The following SDK1 variants were observed in gnomAD, a reference collection of about 807,000 sequenced individuals.
The protein encoded by SDK1 is protein sidekick-1.
In SDK1, 157 loss-of-function variants were observed where a neutral mutation model predicts 245.5. That is an observed-to-expected ratio of 0.64 (90% confidence interval 0.56 to 0.73). The LOEUF is 0.73. SDK1 is among the 30% of genes least tolerant of loss of function. The pLI is 0.00. For missense variants in SDK1, 3,583 were observed against 3,002.3 expected (o/e 1.19, Z -4.52); for synonymous variants, 1,647 against 1,278.5 (o/e 1.29, Z -6.15).
At chr7:3,505,142 C>A (rs896374168) in intron 1 of SDK1, among the ~76,000 whole-genome samples, 1 of 152,098 alleles carries the variant, frequency 6.6e-6, no homozygotes, top group Non-Finnish European at 1.5e-5. Flanking sequence ...TTACTTTTTT[C>A]ATAATCTCTT....
chr7:3,420,000 G>A (rs1311787577), intron 1 of SDK1, among the ~76,000 whole-genome samples: 1 of 152,190 alleles, frequency 6.6e-6, no homozygotes, highest in Non-Finnish European at 1.5e-5. Context: ...CTCTGTGACT[G>A]TGAAACATGC....
chr7:3,879,335 T>C (rs1315425008), intron 5 of SDK1, among the ~76,000 whole-genome samples: 1 of 152,200 alleles, frequency 6.6e-6, no homozygotes, highest in Non-Finnish European at 1.5e-5. Context: ...GGTATTACCC[T>C]TGCAGTTACT....
intron 5 of SDK1, among the ~76,000 whole-genome samples, chr7:3,896,471 C>A (rs571089665): frequency 6.6e-6 from 1 of 152,218 alleles, no homozygotes. Flanking sequence ...CCCTGAAGCT[C>A]TGTCTGCCAC....
At chr7:4,215,923 C>T (rs188977323) in intron 38 of SDK1, among the ~76,000 whole-genome samples, 1 of 152,290 alleles carries the variant, frequency 6.6e-6, no homozygotes, top group Admixed American at 6.5e-5. Context: ...ACTGAGGACT[C>T]TGCAGAGACC....
intron 30 of SDK1, among the ~76,000 whole-genome samples, chr7:4,154,424 T>C (rs932720324): frequency 2.6e-5 from 4 of 152,138 alleles, no homozygotes; most frequent in African/African-American, 9.7e-5. Context: ...TATCCCTAAA[T>C]CTATCCAGCT....
At chr7:4,045,220 G>A (rs1004643845) in intron 17 of SDK1, among the ~76,000 whole-genome samples, 1 of 152,116 alleles carries the variant, frequency 6.6e-6, no homozygotes, top group Non-Finnish European at 1.5e-5. Flanking sequence ...TATTAAAGCT[G>A]CTATGAATAT....
rs60802259 is a variant in SDK1, at chr7:3,803,745, C to CTT, written c.714-17685_714-17684dup. The stretch of plus-strand genomic sequence containing the variant: ...TCCAGTTTGCAACTGGTATTTTCCT[C>CTT]TTTTTTTTTTTTTTTTTTTTTGAGA... On this transcript the variant is annotated intron_variant, in intron 4 of 44. Transcript: ENST00000404826. Among the ~76,000 whole-genome samples the CTT allele has an allele frequency of 3.8e-3, 461 of 119,934 alleles. 5 individuals carry two copies. The highest frequency in any genetic ancestry group is 6.2e-3 in the African/African-American group (198 of 32,034). The allele number at this position is 119,934 out of a possible 152,430, so 78.7% of individuals were successfully genotyped here.
chr7:3,846,198 G>A (rs1283392485), intron 5 of SDK1, among the ~76,000 whole-genome samples: 1 of 151,944 alleles, frequency 6.6e-6, no homozygotes, highest in Admixed American at 6.5e-5. Context: ...CCCAACACAT[G>A]CATGTACACA....
intron 4 of SDK1, among the ~76,000 whole-genome samples, chr7:3,724,844 C>G (rs1050888079): frequency 6.6e-6 from 1 of 152,090 alleles, no homozygotes; most frequent in Non-Finnish European, 1.5e-5. Flanking sequence ...ATGTCATTTC[C>G]ACCACCCTTC....
chr7:3,994,681 T>C (rs1365424182), intron 14 of SDK1, among the ~76,000 whole-genome samples: 3 of 151,960 alleles, frequency 2.0e-5, no homozygotes, highest in Admixed American at 2.0e-4. Flanking sequence ...ATGTAATTCT[T>C]GACTCCTTCA....
chr7:3,716,424 A>G (rs1266085089), intron 4 of SDK1, among the ~76,000 whole-genome samples: 2 of 152,372 alleles, frequency 1.3e-5, no homozygotes, highest in East Asian at 1.9e-4. Flanking sequence ...TCTGTCAACC[A>G]TGAATTCTGT....
rs918732249 is a variant in SDK1, at chr7:3,488,270, T to C, written c.299-130810T>C. Among the ~76,000 whole-genome samples the C allele has an allele frequency of 1.3e-5, 2 of 152,152 alleles. 1 individual carries two copies. The highest frequency in any genetic ancestry group is 4.8e-5 in the African/African-American group (2 of 41,460). ...AATTATAAATCTGGGTTTATTTGCT[T>C]TTTTCTTTTCTTTTCTGTGCTTTCT... On this transcript the variant is annotated intron_variant, in intron 1 of 44. Transcript: ENST00000404826.
intron 35 of SDK1, among the ~76,000 whole-genome samples, chr7:4,181,983 G>A (rs1782627898): frequency 6.6e-6 from 1 of 152,142 alleles, no homozygotes; most frequent in Non-Finnish European, 1.5e-5. Flanking sequence ...GCAATGGCAT[G>A]ATCTCAGCTC....
At chr7:4,008,579 C>A (rs761342308) in intron 14 of SDK1, among the ~76,000 whole-genome samples, 1 of 152,044 alleles carries the variant, frequency 6.6e-6, no homozygotes, top group Admixed American at 6.6e-5. Context: ...TAAAAGAAAG[C>A]GAAGAGGAAA....
At chr7:3,834,732 C>T (rs927394733) in intron 5 of SDK1, among the ~76,000 whole-genome samples, 8 of 152,144 alleles carry the variant, frequency 5.3e-5, no homozygotes, top group Non-Finnish European at 1.0e-4. Context: ...ACGTAAGTTC[C>T]GCGAGGATAG....
At chr7:4,245,957 AAAG>A (rs1786827202) in intron 44 of SDK1, 152 bp downstream of exon 44, 6 of 966,448 alleles carry the variant, frequency 6.2e-6, no homozygotes, top group Non-Finnish European at 4.6e-6. Flanking sequence ...GCAGATGAGA[AAAG>A]AGCCGAAATT....
chr7:3,796,255 T>C (rs905563340), intron 4 of SDK1, among the ~76,000 whole-genome samples: 7 of 152,244 alleles, frequency 4.6e-5, no homozygotes, highest in Non-Finnish European at 8.8e-5. Flanking sequence ...GTGAAAGCTA[T>C]GCTAAAGCAT....
Position 3,755,440 on chromosome 7 carries a change from C to T in SDK1, c.714-66010C>T, listed in dbSNP as rs146117078. The stretch of plus-strand genomic sequence containing the variant: ...CTGGCCATTGTCTGTCTGCATAGTC[C>T]GCCTCACTGGATACTGAGAAATTTG... On this transcript the variant is annotated intron_variant, in intron 4 of 44. Transcript: ENST00000404826. Among the ~76,000 whole-genome samples, 616 of 152,202 alleles carry T rather than the reference C, an allele frequency of 4.0e-3. 5 individuals are homozygous for T. The highest frequency in any genetic ancestry group is 0.014 in the African/African-American group (596 of 41,510).
At chr7:3,985,623 T>C (rs1349517660) in intron 13 of SDK1, among the ~76,000 whole-genome samples, 1 of 152,124 alleles carries the variant, frequency 6.6e-6, no homozygotes, top group Non-Finnish European at 1.5e-5. Flanking sequence ...GCCCTGTCTA[T>C]ACAAAAAATA....
Sources: allele counts gnomAD v4.1 joint callset (sites outside exome capture counted in the v4.1 genomes callset), GRCh38; gene constraint gnomAD v4.1.1; transcripts MANE v1.5; gene names NCBI Gene and HGNC (gene_info 2026-07-23, HGNC 2026-07-21).